Variants in VIT observed in about 807,000 individuals in gnomAD.
VIT encodes the protein vitrin.
A neutral mutation model predicts 78.0 loss-of-function variants in VIT; 99 were observed. The ratio of observed to expected loss-of-function variants is 1.27; its 90% CI spans 1.08 to 1.50. The LOEUF (loss-of-function observed/expected upper bound fraction) is 1.50. Ranked by LOEUF, VIT falls within the 40% of genes most tolerant of loss-of-function variation. VIT has a pLI of 0.00. For missense variants in VIT, 1,126 were observed against 875.3 expected (o/e 1.29, Z -3.61); for synonymous variants, 374 against 334.3 (o/e 1.12, Z -1.29).
chr2:36,799,160 C>G (rs1666130017), intron 12 of VIT, among the ~76,000 whole-genome samples: 2 of 152,328 alleles, frequency 1.3e-5, no homozygotes, highest in South Asian at 4.1e-4. Context: ...AAGCCACCCT[C>G]TGGGGATAGC....
At chr2:36,788,278 C>T (rs757775554) in intron 12 of VIT, among the ~76,000 whole-genome samples, 21 of 152,168 alleles carry the variant, frequency 1.4e-4, no homozygotes, top group African/African-American at 2.9e-4. Context: ...TGACAACACC[C>T]GCGGGGTCTC....
chr2:36,812,444 C>G (rs1667241715), intron 15 of VIT, among the ~76,000 whole-genome samples: 3 of 152,260 alleles, frequency 2.0e-5, no homozygotes, highest in Non-Finnish European at 4.4e-5. Flanking sequence ...GGTCAAGCAC[C>G]TGCTGACCAG....
chr2:36,811,666 C>A (rs1271648721), intron 15 of VIT, among the ~76,000 whole-genome samples: 1 of 149,982 alleles, frequency 6.7e-6, no homozygotes, highest in South Asian at 2.1e-4. Flanking sequence ...TTTTTTCTTT[C>A]TTTCTTTTTT....
At chr2:36,761,469 A>G (rs146749666) in intron 6 of VIT, among the ~76,000 whole-genome samples, 2,687 of 152,142 alleles carry the variant, frequency 0.018, 84 homozygotes, top group East Asian at 0.074. Context: ...GGCCGGGCGC[A>G]GTGGCTCACA....
At chr2:36,718,334 G>A (rs911509716) in intron 2 of VIT, among the ~76,000 whole-genome samples, 1 of 152,138 alleles carries the variant, frequency 6.6e-6, no homozygotes, top group African/African-American at 2.4e-5. Flanking sequence ...AGGCAAGGGG[G>A]CTCCAGGCAT....
chr2:36,738,004 C>G (rs1667611162), intron 3 of VIT, among the ~76,000 whole-genome samples: 1 of 152,196 alleles, frequency 6.6e-6, no homozygotes. Flanking sequence ...TGGCAATTCT[C>G]AGAAATAACG....
At chr2:36,794,667 C>A (rs1325240510) in intron 12 of VIT, among the ~76,000 whole-genome samples, 1 of 152,140 alleles carries the variant, frequency 6.6e-6, no homozygotes, top group East Asian at 1.9e-4. Flanking sequence ...GGTTTGATTA[C>A]GTTTGCCTTT....
At chr2:36,765,414 C>CAAGAGAGA (rs1553372914) in intron 6 of VIT, among the ~76,000 whole-genome samples, 1 of 6,466 alleles carries the variant, frequency 1.5e-4, no homozygotes, top group Non-Finnish European at 9.5e-4. Flanking sequence ...TGGCAGCAGG[C>CAAGAGAGA]GAGAGAGAGA....
rs572757143 is a variant in VIT, at chr2:36,779,349, C to A, written c.803-2378C>A. Reference sequence around the variant, plus strand: ...CTCACTGGATGATTGTGACTTAATACGTAGAAAGTGCTCAGTCAGTGCCTG... The same window carrying A: ...CTCACTGGATGATTGTGACTTAATAAGTAGAAAGTGCTCAGTCAGTGCCTG... On this transcript the variant is annotated intron_variant, in intron 9 of 15. Transcript: ENST00000379242. 1.2e-4 allele frequency among the ~76,000 whole-genome samples: 18 copies of A among 152,354 alleles called. 1 individual carries two copies. The South Asian group carries it at 2.5e-3, about 21-fold the overall frequency.
At chr2:36,795,866 C>G (rs566649527) in intron 12 of VIT, among the ~76,000 whole-genome samples, 75 of 152,232 alleles carry the variant, frequency 4.9e-4, no homozygotes, top group African/African-American at 1.7e-3. Context: ...GTGCAAGAAG[C>G]TGGGTTGTGG....
intron 2 of VIT, among the ~76,000 whole-genome samples, chr2:36,724,251 C>T (rs1011045199): frequency 3.3e-5 from 5 of 152,076 alleles, no homozygotes; most frequent in African/African-American, 1.2e-4. Context: ...TTTTTAAGGA[C>T]TGAGAAGCAT....
chr2:36,754,747 G>C (rs367583584), intron 4 of VIT, among the ~76,000 whole-genome samples, 174 bp from the exon 5 acceptor site: 1 of 152,162 alleles, frequency 6.6e-6, no homozygotes, highest in South Asian at 2.1e-4. Flanking sequence ...TCAGATGCTG[G>C]GTCTGCTGGT....
chr2:36,805,729 C>A, intron 14 of VIT, 65 bp downstream of exon 14: 1 of 1,525,662 alleles, frequency 6.6e-7, no homozygotes. Flanking sequence ...ATTGTAACGC[C>A]GTTGCAGTGG....
At chr2:36,803,987 T>C (rs1171506478) in intron 13 of VIT, among the ~76,000 whole-genome samples, 2 of 152,198 alleles carry the variant, frequency 1.3e-5, no homozygotes, top group Non-Finnish European at 2.9e-5. Context: ...TGAACGGTCA[T>C]CCCAGTTTTC....
chr2:36,751,111 T>A (rs546996918), intron 4 of VIT, among the ~76,000 whole-genome samples: 75 of 152,158 alleles, frequency 4.9e-4, no homozygotes, highest in African/African-American at 1.7e-3. Context: ...TACAAAAAAA[T>A]TTAGCTGGGT....
At chr2:36,720,169 A>G (rs371936899) in intron 2 of VIT, among the ~76,000 whole-genome samples, 1 of 152,190 alleles carries the variant, frequency 6.6e-6, no homozygotes, top group African/African-American at 2.4e-5. Context: ...AACAGAAAAG[A>G]TTCCAAAAGG....
At chr2:36,725,914 T>C (rs903094603) in intron 2 of VIT, among the ~76,000 whole-genome samples, 1 of 151,872 alleles carries the variant, frequency 6.6e-6, no homozygotes. Context: ...TCTGGTAATA[T>C]ACAAAAATTA....
intron 1 of VIT, among the ~76,000 whole-genome samples, chr2:36,701,326 C>G (rs941462151): frequency 2.6e-5 from 4 of 152,070 alleles, no homozygotes; most frequent in Non-Finnish European, 5.9e-5. Flanking sequence ...ATCATGAAAC[C>G]CTCTGTGTAG....
intron 10 of VIT, among the ~76,000 whole-genome samples, chr2:36,782,569 A>G (rs1572531298): frequency 6.6e-6 from 1 of 152,352 alleles, no homozygotes; most frequent in East Asian, 1.9e-4. Flanking sequence ...ACTCACTTCC[A>G]GTGCTGCAAG....
Sources: allele counts gnomAD v4.1 joint callset (sites outside exome capture counted in the v4.1 genomes callset), GRCh38; gene constraint gnomAD v4.1.1; transcripts MANE v1.5; gene names NCBI Gene and HGNC (gene_info 2026-07-23, HGNC 2026-07-21).